The following RAI14 variants were observed in gnomAD, a reference collection of about 807,000 sequenced individuals.
RAI14 encodes ankycorbin.
A neutral mutation model predicts 115.4 loss-of-function variants in RAI14; 45 were observed. That is an observed-to-expected ratio of 0.39 (90% CI 0.31 to 0.50). The LOEUF is 0.50. Among genes scored for constraint, RAI14 ranks in the 20% least tolerant of loss-of-function variants. The pLI is 0.85. For synonymous variants in RAI14, 371 were observed against 415.4 expected (o/e 0.89, Z 1.30); for missense variants, 939 against 1,131.2 (o/e 0.83, Z 2.44).
chr5:34,671,773 G>A (rs1222399856), intron 1 of RAI14, among the ~76,000 whole-genome samples: 2 of 151,988 alleles, frequency 1.3e-5, no homozygotes, highest in Non-Finnish European at 1.5e-5. Context: ...GAAATCCATT[G>A]TATAAATCCC....
At chr5:34,800,858 C>A (rs1030703060) in intron 4 of RAI14, among the ~76,000 whole-genome samples, 13 of 152,176 alleles carry the variant, frequency 8.5e-5, no homozygotes, top group Admixed American at 7.9e-4. Flanking sequence ...TTGTTCACAG[C>A]AGGGACAAGT....
chr5:34,656,841 C>G, intron 1 of RAI14: 1 of 152,562 alleles, frequency 6.6e-6, no homozygotes, highest in South Asian at 2.0e-4. Context: ...AATGAGCAGA[C>G]CCGGAGATGC....
At chr5:34,776,594 C>T (rs1750862933) in intron 3 of RAI14, among the ~76,000 whole-genome samples, 1 of 151,580 alleles carries the variant, frequency 6.6e-6, no homozygotes, top group African/African-American at 2.4e-5. Context: ...TCACTGGAGC[C>T]CAGGAGTTCA....
Position 34,751,985 on chromosome 5 carries a change from C to A in RAI14, c.37-5483C>A, listed in dbSNP as rs139302097. Among the ~76,000 whole-genome samples the A allele has an allele frequency of 1.1e-3, 161 of 152,240 alleles. 2 individuals carry two copies. Among genetic ancestry groups the A allele is most frequent in the African/African-American group, 3.6e-3 (149 of 41,536 alleles). On this transcript the variant is annotated intron_variant, in intron 2 of 17. Coordinates refer to ENST00000265109, the MANE Select transcript of RAI14 (RefSeq NM_015577.3). ...ATGCACTCGTTGAACCTAAGTGATT[C>A]CAGGGCTCCACCCCAGACTCCTGGG... is the stretch of plus-strand genomic sequence containing the variant.
chr5:34,688,058 T>C, intron 2 of RAI14: 1 of 1,440,614 alleles, frequency 6.9e-7, no homozygotes, highest in Non-Finnish European at 9.2e-7. Flanking sequence ...CTTACCTTCT[T>C]ATCCTTTAGG....
chr5:34,679,839 G>A (rs181023882), intron 1 of RAI14, among the ~76,000 whole-genome samples: 15 of 152,158 alleles, frequency 9.9e-5, no homozygotes, highest in African/African-American at 3.1e-4. Context: ...ACTATGTTGC[G>A]TTTGTACAAA....
chr5:34,738,744 G>C (rs1745157874), intron 2 of RAI14, among the ~76,000 whole-genome samples: 1 of 152,130 alleles, frequency 6.6e-6, no homozygotes, highest in South Asian at 2.1e-4. Context: ...TGTCCCCTCT[G>C]ACTTAACACT....
rs1208617480 is a variant in RAI14 at position 34,765,602 on chromosome 5, CTT to C, written c.167+8005_167+8006del. On this transcript the variant is annotated intron_variant, in intron 3 of 17. Transcript: ENST00000265109. ...AAGTAGCAAAGCATTTAAGAGGTAA[CTT>C]GGGTACTGTTAAAGGCATTCAGTTT... 2.6e-5 allele frequency among the ~76,000 whole-genome samples: 4 copies of C among 152,286 alleles called. No homozygotes were observed. The East Asian group carries it at 7.7e-4, about 29-fold the overall frequency.
At chr5:34,661,815 A>G (rs972592669) in intron 1 of RAI14, among the ~76,000 whole-genome samples, 1 of 152,220 alleles carries the variant, frequency 6.6e-6, no homozygotes, top group African/African-American at 2.4e-5. Flanking sequence ...CCCAAGCAAC[A>G]TGAAGCACAC....
chr5:34,658,032 T>C (rs899090880), intron 1 of RAI14, among the ~76,000 whole-genome samples: 3 of 152,258 alleles, frequency 2.0e-5, no homozygotes, highest in Admixed American at 1.3e-4. Flanking sequence ...TTTTAGCCAG[T>C]GCTTGTCTAA....
chr5:34,800,672 G>C lies in RAI14; in HGVS notation c.257-3040G>C, dbSNP rs190614870. ...GTTAGAAAAACATCACAGGGCTGGG[G>C]AATAAAAGAATTTTTGCTTCTATAG... is the stretch of plus-strand genomic sequence containing the variant. On this transcript the variant is annotated intron_variant, in intron 4 of 17. Coordinates refer to ENST00000265109, the MANE Select transcript of RAI14 (RefSeq NM_015577.3). Among the ~76,000 whole-genome samples, 328 of 152,260 alleles carry C rather than the reference G, an allele frequency of 2.2e-3. 3 individuals are homozygous for C. Among genetic ancestry groups the C allele is most frequent in the Non-Finnish European group, 3.3e-3 (224 of 68,010 alleles).
rs146111970 is a variant in RAI14, at chr5:34,741,106, G to A, written c.37-16362G>A. ...GACAATAATGAGTTTGGAGCATTGTGGAACATCCCCTCCAAGCCAGAAAAA... is the reference window on the plus strand; with the variant it reads ...GACAATAATGAGTTTGGAGCATTGTAGAACATCCCCTCCAAGCCAGAAAAA... On this transcript the variant is annotated intron_variant, in intron 2 of 17. Transcript: ENST00000265109. 4.0e-4 allele frequency among the ~76,000 whole-genome samples: 61 copies of A among 152,232 alleles called. No individual in the cohort carries two copies. The East Asian group carries it at 0.011, about 27-fold the overall frequency.
Position 34,656,389 on chromosome 5 carries a change from G to T in RAI14, c.-135G>T, listed in dbSNP as rs369689518. On this transcript the variant is annotated 5_prime_UTR_variant, in exon 1 of 18. Coordinates refer to ENST00000265109, the MANE Select transcript of RAI14 (RefSeq NM_015577.3). ...GCGCAGGAAGCCGAGCAGGAAGCGA[G>T]CCCGGCGGCCGCGTTTTCCTGGGGA... 6.6e-6 allele frequency: 1 copy of T among 152,134 alleles called. No homozygotes were observed. Among genetic ancestry groups the T allele is most frequent in the Non-Finnish European group, 1.5e-5 (1 of 68,052 alleles). 9.4% of individuals were successfully genotyped at this position (152,134 alleles called of 1,614,324 possible).
chr5:34,715,413 C>A (rs571268231), intron 2 of RAI14, among the ~76,000 whole-genome samples: 4 of 152,270 alleles, frequency 2.6e-5, no homozygotes, highest in Admixed American at 2.0e-4. Flanking sequence ...CCCAGTATTT[C>A]AGGGTCTTAT....
chr5:34,815,518 G>A (rs560223981), intron 12 of RAI14, among the ~76,000 whole-genome samples: 38 of 152,282 alleles, frequency 2.5e-4, no homozygotes, highest in African/African-American at 4.1e-4. Context: ...AGCCAAGATC[G>A]GGCCACTGCA....
At chr5:34,810,460 A>G (rs148682435) in intron 7 of RAI14, among the ~76,000 whole-genome samples, 7 of 152,212 alleles carry the variant, frequency 4.6e-5, no homozygotes, top group Non-Finnish European at 1.0e-4. Flanking sequence ...TATTCTTTCT[A>G]TCCATTTCTT....
At chr5:34,797,268 A>G (rs1753648970) in intron 4 of RAI14, among the ~76,000 whole-genome samples, 1 of 152,078 alleles carries the variant, frequency 6.6e-6, no homozygotes, top group African/African-American at 2.4e-5. Context: ...CTTTTCTCCC[A>G]TCCCCAAAAT....
intron 4 of RAI14, among the ~76,000 whole-genome samples, chr5:34,798,980 T>C (rs914143755): frequency 3.3e-5 from 5 of 152,224 alleles, no homozygotes; most frequent in African/African-American, 1.2e-4. Flanking sequence ...TTGGGCTTCA[T>C]CGTTTTATTT....
intron 3 of RAI14, among the ~76,000 whole-genome samples, chr5:34,777,879 G>C (rs1290564068): frequency 6.6e-6 from 1 of 151,230 alleles, no homozygotes; most frequent in African/African-American, 2.4e-5. Context: ...TGTGGGGGGG[G>C]TGTGGATAAA....
Sources: gnomAD v4.1 joint callset for allele counts (sites outside exome capture counted in the v4.1 genomes callset) on GRCh38, gnomAD v4.1.1 for gene constraint, MANE v1.5 for transcripts, NCBI Gene and HGNC (gene_info 2026-07-23, HGNC 2026-07-21) for gene names.